Variants in TNRC6C observed in about 807,000 individuals in gnomAD.
The protein encoded by TNRC6C is trinucleotide repeat-containing gene 6C protein.
Under a neutral mutation model 153.7 loss-of-function variants are expected in TNRC6C, and 20 were observed. That is an observed-to-expected ratio of 0.13 (90% confidence interval 0.09 to 0.19). The LOEUF is 0.19. Among genes scored for constraint, TNRC6C ranks in the 10% least tolerant of loss-of-function variants. The pLI is 1.00. For synonymous variants in TNRC6C, 811 were observed against 841.4 expected, an observed-to-expected ratio of 0.96 and a Z score of 0.63; for missense variants, 1,987 against 2,172.0, an observed-to-expected ratio of 0.91 and a Z score of 1.69.
At chr17:78,048,613 A>G (rs1216179420) in intron 2 of TNRC6C, among the ~76,000 whole-genome samples, 3 of 152,256 alleles carry the variant, frequency 2.0e-5, no homozygotes. Flanking sequence ...TCCAGGGGGA[A>G]TAATAGTACA....
intron 1 of TNRC6C, among the ~76,000 whole-genome samples, chr17:77,959,710 AG>A (rs2070845382): frequency 6.6e-6 from 1 of 152,042 alleles, no homozygotes; most frequent in Non-Finnish European, 1.5e-5. Context: ...GGGTGGGCGG[AG>A]AAGGACCCCT....
chr17:78,099,509 A>G (rs1375896108), intron 17 of TNRC6C, among the ~76,000 whole-genome samples: 2 of 152,210 alleles, frequency 1.3e-5, no homozygotes, highest in African/African-American at 4.8e-5. Context: ...GAGCTTGTGC[A>G]GGGAAACTCC....
intron 6 of TNRC6C, among the ~76,000 whole-genome samples, chr17:78,072,327 C>CAG (rs1225946654): frequency 6.6e-6 from 1 of 152,228 alleles, no homozygotes; most frequent in Non-Finnish European, 1.5e-5. Context: ...AATGAATCTA[C>CAG]TTGTTTTGTT....
chr17:78,092,414 A>G (rs546297314), intron 14 of TNRC6C, among the ~76,000 whole-genome samples: 12 of 152,218 alleles, frequency 7.9e-5, no homozygotes, highest in Non-Finnish European at 1.5e-4. Flanking sequence ...GAGGGAAGAG[A>G]TAACAGCAAA....
chr17:77,957,836 G>A (rs1344841109), upstream of TNRC6C, among the ~76,000 whole-genome samples: 2 of 152,258 alleles, frequency 1.3e-5, no homozygotes, highest in Non-Finnish European at 2.9e-5. Context: ...GAGGATCACG[G>A]CGGCGTACGG....
intron 2 of TNRC6C, among the ~76,000 whole-genome samples, chr17:78,039,608 C>A (rs1390004296): frequency 6.6e-6 from 1 of 152,226 alleles, no homozygotes; most frequent in African/African-American, 2.4e-5. Context: ...TTTCCAGCGT[C>A]CAGCTGACCC....
At position 78,075,225 on chromosome 17, in the gene TNRC6C, C is replaced by T. The variant is rs769760692; in HGVS notation, c.3007C>T (p.Arg1003Cys). 1.2e-4 allele frequency: 196 copies of T among 1,594,434 alleles called. No homozygotes were observed. The highest frequency in any genetic ancestry group is 1.5e-4 in the Non-Finnish European group (178 of 1,171,066). Residue 1003 changes from arginine to cysteine, a missense_variant, in exon 8 of 20, where the codon CGC becomes TGC. By Grantham distance (180) the Arg-to-Cys change is radical. Transcript: ENST00000301624. The surrounding 1 kb of genome is among the most constrained non-coding windows in gnomAD (Gnocchi z 4.2). ...AATGGCCGCCAAGCCCCTCGGCTGCCGCCCGCCAATCTCCAAAGAGTCTTC... is the reference window on the plus strand; with the variant it reads ...AATGGCCGCCAAGCCCCTCGGCTGCTGCCCGCCAATCTCCAAAGAGTCTTC...
chr17:77,959,673 G>A (rs1315388128), intron 1 of TNRC6C, among the ~76,000 whole-genome samples: 1 of 152,122 alleles, frequency 6.6e-6, no homozygotes, highest in Non-Finnish European at 1.5e-5. Context: ...GTTGTTTGGG[G>A]GAAGAGAAAA....
chr17:78,039,726 A>G (rs2072255450), intron 2 of TNRC6C, among the ~76,000 whole-genome samples: 1 of 152,188 alleles, frequency 6.6e-6, no homozygotes, highest in South Asian at 2.1e-4. Context: ...CAGACAGGGC[A>G]ATAAAGGCCT....
In TNRC6C at chr17:78,092,904, C is replaced by T. The variant is rs747770086; in HGVS notation, c.3971-29C>T. 1.1e-5 allele frequency: 18 copies of T among 1,606,036 alleles called. No individual in the cohort carries two copies. In the African/African-American group the frequency reaches 1.2e-4, roughly 11 times the overall value. On this transcript the variant is annotated intron_variant, in intron 14 of 19. Transcript: ENST00000301624. ...GTCTCTCAACTGGAGAGTATTCACT[C>T]GCTTCTTTGTTTCCTATTGTCCCCA...
chr17:78,060,784 C>T lies in TNRC6C; in HGVS notation c.2396-3938C>T, dbSNP rs140050019. Among the ~76,000 whole-genome samples the T allele has an allele frequency of 2.8e-3, 428 of 152,308 alleles. 1 individual carries two copies. The highest frequency in any genetic ancestry group is 9.3e-3 in the African/African-American group (385 of 41,566). Reference sequence around the variant, plus strand: ...TCCTCCCAAAAAGGACTGCCCATCACACTTATAAAGCTATGTAAGTGGCAT... The same window carrying T: ...TCCTCCCAAAAAGGACTGCCCATCATACTTATAAAGCTATGTAAGTGGCAT... On this transcript the variant is annotated intron_variant, in intron 3 of 19. Transcript: ENST00000301624.
exon 2 of TNRC6C, chr17:78,031,744 C>A (rs2072079069): frequency 8.1e-7 from 1 of 1,232,256 alleles, no homozygotes; most frequent in Non-Finnish European, 1.0e-6. Context: ...GGGACTCTAA[C>A]CAGTGTGAGC....
intron 2 of TNRC6C, among the ~76,000 whole-genome samples, chr17:78,035,791 G>GGT (rs1336127875): frequency 1.3e-5 from 2 of 152,130 alleles, no homozygotes; most frequent in African/African-American, 4.8e-5. Context: ...TTCACATCCA[G>GGT]GTGAAATTCT....
At chr17:78,035,288 A>G (rs1030151275) in intron 2 of TNRC6C, among the ~76,000 whole-genome samples, 4 of 152,132 alleles carry the variant, frequency 2.6e-5, no homozygotes, top group African/African-American at 9.7e-5. Flanking sequence ...GACAGGCCCA[A>G]TCCACTTTCC....
chr17:78,104,656 C>A lies in TNRC6C; in HGVS notation c.4884C>A (p.Ser1628Arg). 1 of 1,544,300 alleles carries A rather than the reference C, an allele frequency of 6.5e-7. No individual in the cohort carries two copies. Among genetic ancestry groups the A allele is most frequent in the Non-Finnish European group, 8.7e-7 (1 of 1,146,442 alleles). The change falls in exon 20 of 20, where the codon AGC becomes AGA. Residue 1628 changes from serine (S) to arginine (R), a missense_variant. Physicochemically the swap from Ser to Arg is moderately radical, Grantham distance 110. Around this residue, in one of 4 missense-constraint regions of TNRC6C, gnomAD observed 139 missense variants for 148.5 expected, o/e 0.94. Coordinates refer to ENST00000301624, the Ensembl canonical transcript of TNRC6C. The surrounding 1 kb of genome is among the most constrained non-coding windows in gnomAD (Gnocchi z 6.2). ...GCAGCTCCCATGGCCTGGTACGCAG[C>A]GACGCTGGCCACTGGAACGCCCCGT...
chr17:78,043,423 T>G (rs2072340695), intron 2 of TNRC6C, among the ~76,000 whole-genome samples: 1 of 152,216 alleles, frequency 6.6e-6, no homozygotes, highest in Non-Finnish European at 1.5e-5. Context: ...AAACATATTT[T>G]TTATAATTTT....
intron 1 of TNRC6C, among the ~76,000 whole-genome samples, chr17:78,023,978 C>T (rs940861816): frequency 9.9e-5 from 15 of 151,748 alleles, no homozygotes; most frequent in Non-Finnish European, 1.3e-4. Flanking sequence ...GGCATGGTGG[C>T]GGGCACCTGT....
Position 77,984,756 on chromosome 17 carries a change from T to C in TNRC6C, c.-37-19414T>C, listed in dbSNP as rs1308427520. On this transcript the variant is annotated intron_variant, in intron 1 of 22. Coordinates refer to the TNRC6C transcript ENST00000636222. ...GTCTTTCTGCTACTCTCTAGCTGTG[T>C]GTTCTGTGGCAGCCATGCCCTCTCC... 3.3e-5 allele frequency among the ~76,000 whole-genome samples: 5 copies of C among 152,334 alleles called. No homozygotes were observed. In the East Asian group the frequency reaches 9.6e-4, roughly 29 times the overall value.
chr17:78,054,739 C>G (rs114733385), intron 3 of TNRC6C, among the ~76,000 whole-genome samples: 1 of 151,976 alleles, frequency 6.6e-6, no homozygotes. Context: ...CTACTGTACA[C>G]TACTGGAGAC....
Sources: allele counts gnomAD v4.1 joint callset (sites outside exome capture counted in the v4.1 genomes callset), GRCh38; gene constraint gnomAD v4.1.1; regional missense constraint gnomAD v4.1.1; non-coding constraint Gnocchi (gnomAD v3.1); transcripts MANE v1.5; gene names NCBI Gene and HGNC (gene_info 2026-07-23, HGNC 2026-07-21).